NELL1: variants seen among roughly 807,000 people sequenced by gnomAD.
NELL1 encodes the protein protein kinase C-binding protein NELL1.
NELL1 carries 76 observed loss-of-function variants against 107.4 expected under a neutral mutation model. That is an observed-to-expected ratio of 0.71 (90% confidence interval 0.59 to 0.86). The LOEUF (loss-of-function observed/expected upper bound fraction) is 0.86. NELL1 is among the 40% of genes least tolerant of loss of function. The pLI, the probability that NELL1 is intolerant of heterozygous loss-of-function variation, is 0.00. For missense variants in NELL1, 1,024 were observed against 1,005.5 expected, an observed-to-expected ratio of 1.02 and a Z score of -0.25; for synonymous variants, 353 against 341.2, an observed-to-expected ratio of 1.03 and a Z score of -0.38.
chr11:21,440,193 G>A, intron 15 of NELL1, among the ~76,000 whole-genome samples: 1 of 152,098 alleles, frequency 6.6e-6, no homozygotes, highest in East Asian at 1.9e-4. Flanking sequence ...ACTAACACCT[G>A]AGGAATGAAT....
At chr11:20,757,583 C>T (rs1856325443) in intron 2 of NELL1, among the ~76,000 whole-genome samples, 2 of 152,220 alleles carry the variant, frequency 1.3e-5, no homozygotes, top group South Asian at 4.1e-4. Context: ...TTTTACTGCC[C>T]ATAACCTTGC....
At chr11:21,185,992 C>T (rs1232112861) in intron 13 of NELL1, among the ~76,000 whole-genome samples, 1 of 151,656 alleles carries the variant, frequency 6.6e-6, no homozygotes, top group Non-Finnish European at 1.5e-5. Context: ...CAAGGAGGCT[C>T]CTAAGGGCCA....
chr11:21,389,173 A>G (rs1309038592), intron 15 of NELL1, among the ~76,000 whole-genome samples: 1 of 151,804 alleles, frequency 6.6e-6, no homozygotes, highest in Non-Finnish European at 1.5e-5. Flanking sequence ...TATAGGATCT[A>G]TGCCCTTATT....
chr11:20,744,157 C>T (rs992970262), intron 2 of NELL1, among the ~76,000 whole-genome samples: 1 of 152,146 alleles, frequency 6.6e-6, no homozygotes, highest in African/African-American at 2.4e-5. Context: ...CAATAGCCTC[C>T]TAACTGGTAT....
intron 16 of NELL1, among the ~76,000 whole-genome samples, chr11:21,544,973 T>C (rs1249019209): frequency 1.3e-5 from 2 of 151,908 alleles, no homozygotes; most frequent in South Asian, 2.1e-4. Flanking sequence ...TTAACTTTGG[T>C]GTAAGGATAT....
intron 12 of NELL1, chr11:21,000,769 C>T (rs1352801118): frequency 6.6e-6 from 1 of 152,198 alleles, no homozygotes; most frequent in Non-Finnish European, 1.5e-5. Flanking sequence ...AAATAGTACT[C>T]TTTCTGTCCC....
chr11:20,893,765 A>G (rs143280098), intron 5 of NELL1, among the ~76,000 whole-genome samples: 6 of 151,164 alleles, frequency 4.0e-5, no homozygotes, highest in African/African-American at 1.5e-4. Context: ...AGAGTATTAT[A>G]TTGAATTCAT....
At chr11:21,360,304 G>T (rs1260465090) in intron 14 of NELL1, among the ~76,000 whole-genome samples, 4 of 152,052 alleles carry the variant, frequency 2.6e-5, no homozygotes, top group Admixed American at 6.6e-5. Flanking sequence ...AGTTTTGGGG[G>T]TTCCTTTGGA....
At chr11:21,130,626 A>G (rs1855594497) in intron 13 of NELL1, among the ~76,000 whole-genome samples, 1 of 152,224 alleles carries the variant, frequency 6.6e-6, no homozygotes, top group African/African-American at 2.4e-5. Flanking sequence ...TTCTTGTTAC[A>G]TCTATGGTAT....
At chr11:21,048,644 C>T (rs936379964) in intron 12 of NELL1, among the ~76,000 whole-genome samples, 18 of 152,062 alleles carry the variant, frequency 1.2e-4, no homozygotes, top group Admixed American at 7.2e-4. Context: ...TCTTGCTTTC[C>T]GGGGGCTATG....
chr11:21,560,067 T>A, intron 16 of NELL1, 122 bp from the exon 17 acceptor site: 1 of 879,958 alleles, frequency 1.1e-6, no homozygotes, highest in Non-Finnish European at 1.9e-6. Flanking sequence ...GTGAACAGCT[T>A]GGCAGTACCT....
intron 15 of NELL1, among the ~76,000 whole-genome samples, chr11:21,490,517 G>A (rs1419950851): frequency 7.1e-6 from 1 of 140,108 alleles, no homozygotes; most frequent in Non-Finnish European, 1.5e-5. Context: ...AAAGAACAAA[G>A]CTAGAAGCAT....
chr11:21,045,889 C>G (rs1448314624), intron 12 of NELL1, among the ~76,000 whole-genome samples: 2 of 152,098 alleles, frequency 1.3e-5, no homozygotes, highest in African/African-American at 4.8e-5. Flanking sequence ...GTTTTATAAT[C>G]CCCCCAACAC....
intron 5 of NELL1, among the ~76,000 whole-genome samples, chr11:20,896,922 C>G (rs1439355823): frequency 6.6e-6 from 1 of 152,046 alleles, no homozygotes; most frequent in African/African-American, 2.4e-5. Flanking sequence ...AGGATACAAA[C>G]AAATGGAAGA....
intron 19 of NELL1, among the ~76,000 whole-genome samples, chr11:21,574,313 A>G (rs1351259309): frequency 1.3e-5 from 2 of 151,706 alleles, no homozygotes; most frequent in Non-Finnish European, 2.9e-5. Flanking sequence ...AAAGGATACT[A>G]TCAGACCTCA....
At chr11:20,806,513 GTCT>G (rs1857388135) in intron 3 of NELL1, among the ~76,000 whole-genome samples, 1 of 151,974 alleles carries the variant, frequency 6.6e-6, no homozygotes, top group Non-Finnish European at 1.5e-5. Context: ...CCTTGAGGTT[GTCT>G]TCTTTCAGTT....
At chr11:21,000,723 T>A (rs1301892451) in intron 12 of NELL1, among the ~76,000 whole-genome samples, 1 of 152,222 alleles carries the variant, frequency 6.6e-6, no homozygotes, top group Non-Finnish European at 1.5e-5. Flanking sequence ...GATAGACATT[T>A]CTGAAGTTAA....
At chr11:21,223,063 A>G (rs143788490) in intron 13 of NELL1, among the ~76,000 whole-genome samples, 18 of 152,252 alleles carry the variant, frequency 1.2e-4, no homozygotes, top group African/African-American at 4.1e-4. Context: ...TATTTGGCCT[A>G]AAGTCCAGTT....
At chr11:21,302,468 C>T (rs956011015) in intron 14 of NELL1, among the ~76,000 whole-genome samples, 2 of 151,922 alleles carry the variant, frequency 1.3e-5, no homozygotes, top group African/African-American at 2.4e-5. Context: ...ATGTTATTAC[C>T]TCAGAGTAAT....
Sources: allele counts gnomAD v4.1 joint callset (sites outside exome capture counted in the v4.1 genomes callset), GRCh38; gene constraint gnomAD v4.1.1; transcripts MANE v1.5; gene names NCBI Gene and HGNC (gene_info 2026-07-23, HGNC 2026-07-21).